The following NKAIN2 variants were observed in gnomAD, a reference collection of about 807,000 sequenced individuals.
NKAIN2 encodes the protein sodium/potassium transporting ATPase interacting 2, also known as sodium/potassium-transporting ATPase subunit beta-1-interacting protein 2.
NKAIN2 carries 14 observed loss-of-function variants against 32.6 expected under a neutral mutation model. That is an observed-to-expected ratio of 0.43 (90% CI 0.28 to 0.67). NKAIN2 has a LOEUF of 0.67. Among genes scored for constraint, NKAIN2 ranks in the 30% least tolerant of loss-of-function variants. The pLI, the probability that NKAIN2 is intolerant of heterozygous loss-of-function variation, is 0.17. For synonymous variants in NKAIN2, 80 were observed against 87.2 expected, an observed-to-expected ratio of 0.92 and a Z score of 0.46; for missense variants, 198 against 258.3, an observed-to-expected ratio of 0.77 and a Z score of 1.60.
At chr6:124,749,829 C>T (rs1777629878) in intron 4 of NKAIN2, among the ~76,000 whole-genome samples, 1 of 151,880 alleles carries the variant, frequency 6.6e-6, no homozygotes, top group African/African-American at 2.4e-5. Context: ...TTTGATCTCA[C>T]CCTATTTTAT....
intron 4 of NKAIN2, among the ~76,000 whole-genome samples, chr6:124,676,265 T>A (rs1042990097): frequency 6.6e-6 from 1 of 152,120 alleles, no homozygotes; most frequent in Non-Finnish European, 1.5e-5. Flanking sequence ...TTGGAGAATG[T>A]TGTGTGTGTG....
chr6:124,461,294 C>T (rs903515358), intron 3 of NKAIN2, among the ~76,000 whole-genome samples: 14 of 150,818 alleles, frequency 9.3e-5, no homozygotes, highest in African/African-American at 2.2e-4. Flanking sequence ...TAATTGTGAC[C>T]GTGTGTGTGT....
intron 4 of NKAIN2, among the ~76,000 whole-genome samples, chr6:124,722,730 G>A (rs1439430449): frequency 1.3e-5 from 2 of 152,188 alleles, no homozygotes; most frequent in Non-Finnish European, 2.9e-5. Context: ...GGGAAAGGGG[G>A]ACCCCTGGCT....
chr6:124,719,413 G>T (rs2114627662), intron 4 of NKAIN2, among the ~76,000 whole-genome samples: 1 of 152,258 alleles, frequency 6.6e-6, no homozygotes, highest in South Asian at 2.1e-4. Flanking sequence ...ATTCAGAAAT[G>T]TCTTTTGCAA....
At chr6:124,331,382 A>T (rs1225224826) in intron 2 of NKAIN2, among the ~76,000 whole-genome samples, 2 of 132,768 alleles carry the variant, frequency 1.5e-5, no homozygotes, top group Non-Finnish European at 1.6e-5. Context: ...AAAAAAAACT[A>T]GCTGGGCGTG....
rs552405176 is a variant in NKAIN2 at position 124,791,166 on chromosome 6, G to A, written c.475-173G>A. Reference sequence around the variant, plus strand: ...TAATATATGTATTTACAACACAGATGAGCATCATTTGAATGAGGAATCCAC... The same window carrying A: ...TAATATATGTATTTACAACACAGATAAGCATCATTTGAATGAGGAATCCAC... On this transcript the variant is annotated intron_variant, in intron 4 of 6. Transcript: ENST00000368417. Among the ~76,000 whole-genome samples the A allele has an allele frequency of 3.2e-3, 486 of 152,208 alleles. 2 individuals carry two copies. The highest frequency in any genetic ancestry group is 5.2e-3 in the Non-Finnish European group (351 of 67,994).
chr6:124,054,720 T>C (rs1432249984), intron 1 of NKAIN2, among the ~76,000 whole-genome samples: 1 of 151,904 alleles, frequency 6.6e-6, no homozygotes, highest in Non-Finnish European at 1.5e-5. Flanking sequence ...GGGCAACTCC[T>C]AGAAAAACAC....
At chr6:124,500,045 G>A (rs1778224148) in intron 3 of NKAIN2, among the ~76,000 whole-genome samples, 1 of 152,136 alleles carries the variant, frequency 6.6e-6, no homozygotes, top group Non-Finnish European at 1.5e-5. Context: ...ACTTTTTAAA[G>A]GGTGATGGAG....
At chr6:124,819,100 A>C (rs1781288688) in intron 6 of NKAIN2, 6 of 960,566 alleles carry the variant, frequency 6.2e-6, no homozygotes, top group Non-Finnish European at 7.4e-6. Context: ...ATTCCCTTGG[A>C]TAACAACTGA....
chr6:124,503,044 TC>T (rs1398054268), intron 3 of NKAIN2, among the ~76,000 whole-genome samples: 1 of 152,188 alleles, frequency 6.6e-6, no homozygotes, highest in Non-Finnish European at 1.5e-5. Context: ...TTTGAGACTT[TC>T]AATACCTTTA....
intron 1 of NKAIN2, among the ~76,000 whole-genome samples, chr6:124,049,094 T>C (rs1447118604): frequency 3.3e-5 from 5 of 152,054 alleles, no homozygotes; most frequent in Non-Finnish European, 7.4e-5. Flanking sequence ...TGTTGTCATA[T>C]CCTTGGCAAT....
At chr6:124,757,324 C>G (rs1165146594) in intron 4 of NKAIN2, among the ~76,000 whole-genome samples, 1 of 152,040 alleles carries the variant, frequency 6.6e-6, no homozygotes, top group Non-Finnish European at 1.5e-5. Flanking sequence ...ATTTGCCTTG[C>G]TGTTATTTCT....
At chr6:124,028,437 T>C (rs1324431313) in intron 1 of NKAIN2, among the ~76,000 whole-genome samples, 2 of 151,114 alleles carry the variant, frequency 1.3e-5, no homozygotes, top group East Asian at 2.0e-4. Context: ...ATATACCTAA[T>C]GCTAAATGAC....
At chr6:124,326,234 A>T (rs77828465) in intron 2 of NKAIN2, among the ~76,000 whole-genome samples, 3,710 of 146,064 alleles carry the variant, frequency 0.025, 150 homozygotes, top group African/African-American at 0.088. Flanking sequence ...AGCTCATTTT[A>T]AAGTATTAGA....
chr6:123,811,418 G>C (rs1773460383), intron 1 of NKAIN2, among the ~76,000 whole-genome samples: 1 of 50,738 alleles, frequency 2.0e-5, no homozygotes, highest in African/African-American at 2.1e-4. Context: ...TGGGGTGGGG[G>C]TTGTGGGGGG....
chr6:124,256,891 T>G (rs978790266), intron 1 of NKAIN2, among the ~76,000 whole-genome samples: 16 of 146,688 alleles, frequency 1.1e-4, no homozygotes, highest in African/African-American at 2.8e-4. Flanking sequence ...TGTTGTTTTT[T>G]TTTTTTTTTT....
chr6:124,056,222 C>T (rs1037711154), intron 1 of NKAIN2, among the ~76,000 whole-genome samples: 3 of 151,080 alleles, frequency 2.0e-5, no homozygotes, highest in Admixed American at 1.3e-4. Flanking sequence ...TTTTGTAGTG[C>T]CTTTAATTGA....
chr6:124,688,372 G>A (rs1774092663), intron 4 of NKAIN2, among the ~76,000 whole-genome samples: 1 of 152,008 alleles, frequency 6.6e-6, no homozygotes, highest in African/African-American at 2.4e-5. Flanking sequence ...GAAAGGTACA[G>A]AGAGTTCCCA....
rs201341695 is a variant in NKAIN2 at position 124,512,950 on chromosome 6, G to T, written c.274-145236G>T. On this transcript the variant is annotated intron_variant, in intron 3 of 6. Coordinates refer to ENST00000368417, the MANE Select transcript of NKAIN2 (RefSeq NM_001040214.3). ...CATTATATAAAATCCAAAATAGAAA[G>T]AAAGAAATTATGACATCCTGAGGCT... Among the ~76,000 whole-genome samples the T allele has an allele frequency of 1.4e-4, 21 of 152,010 alleles. No homozygotes were observed. In the East Asian group the frequency reaches 3.9e-3, roughly 28 times the overall value.
Sources: allele counts gnomAD v4.1 joint callset (sites outside exome capture counted in the v4.1 genomes callset), GRCh38; gene constraint gnomAD v4.1.1; transcripts MANE v1.5; gene names NCBI Gene and HGNC (gene_info 2026-07-23, HGNC 2026-07-21).